Variants in TCF7L2 observed in about 807,000 individuals in gnomAD.
TCF7L2 encodes transcription factor 7 like 2, also known as transcription factor 7-like 2.
In TCF7L2, 23 loss-of-function variants were observed where a neutral mutation model predicts 77.9. The ratio of observed to expected loss-of-function variants is 0.30; its 90% CI spans 0.21 to 0.42. The LOEUF (loss-of-function observed/expected upper bound fraction) is 0.42. Ranked by LOEUF, TCF7L2 falls within the 10% of genes least tolerant of loss-of-function variation. The pLI is 1.00. For missense variants in TCF7L2, 654 were observed against 793.1 expected (o/e 0.82, Z 2.11); for synonymous variants, 413 against 340.2 (o/e 1.21, Z -2.36).
At chr10:113,103,506 T>C (rs1479159885) in intron 5 of TCF7L2, among the ~76,000 whole-genome samples, 1 of 152,166 alleles carries the variant, frequency 6.6e-6, no homozygotes, top group Non-Finnish European at 1.5e-5. Context: ...GGTAGAATGA[T>C]TAACAGGGGG....
intron 5 of TCF7L2, among the ~76,000 whole-genome samples, chr10:113,053,412 C>T (rs2054811833): frequency 6.6e-6 from 1 of 152,062 alleles, no homozygotes; most frequent in South Asian, 2.1e-4. Context: ...TGTGGATTGT[C>T]GGGATCCTGC....
At chr10:113,106,065 C>T (rs2062273533) in intron 5 of TCF7L2, among the ~76,000 whole-genome samples, 1 of 152,096 alleles carries the variant, frequency 6.6e-6, no homozygotes, top group South Asian at 2.1e-4. Context: ...TGAGGTACTC[C>T]CTTGAACCTG....
chr10:113,102,816 T>C (rs776053115), intron 5 of TCF7L2, among the ~76,000 whole-genome samples: 5 of 152,212 alleles, frequency 3.3e-5, no homozygotes, highest in South Asian at 2.1e-4. Flanking sequence ...GTTAATACTA[T>C]GCATCATGTA....
chr10:112,984,581 A>G (rs1270742680), intron 4 of TCF7L2, among the ~76,000 whole-genome samples: 1 of 152,090 alleles, frequency 6.6e-6, no homozygotes, highest in African/African-American at 2.4e-5. Flanking sequence ...AAAAATTAAT[A>G]CCAACAATAA....
intron 4 of TCF7L2, among the ~76,000 whole-genome samples, chr10:113,008,744 G>A (rs180985050): frequency 1.4e-4 from 21 of 152,164 alleles, no homozygotes; most frequent in Non-Finnish European, 2.5e-4. Context: ...GCTTGGGAGC[G>A]CCACAGTTTG....
At chr10:112,964,813 G>T (rs1483479529) in intron 4 of TCF7L2, among the ~76,000 whole-genome samples, 189 bp downstream of exon 4, 6 of 98,432 alleles carry the variant, frequency 6.1e-5, no homozygotes, top group Non-Finnish European at 1.1e-4. Context: ...TGGTGGTGGT[G>T]GGGGGGGGTT....
At position 112,991,369 on chromosome 10, in the gene TCF7L2, G is replaced by A. The variant is rs111483041; in HGVS notation, c.450+26745G>A. Reference sequence around the variant, plus strand: ...ACGATGAAACCCCGTCTCTATGTGCGTGGTGGCTGGCACCTGTAGTCCCAG... The same window carrying A: ...ACGATGAAACCCCGTCTCTATGTGCATGGTGGCTGGCACCTGTAGTCCCAG... On this transcript the variant is annotated intron_variant, in intron 4 of 13. Transcript: ENST00000627217. Among the ~76,000 whole-genome samples the A allele has an allele frequency of 6.8e-3, 1,027 of 152,060 alleles. 8 individuals are homozygous for A. The highest frequency in any genetic ancestry group is 0.023 in the African/African-American group (954 of 41,458).
At chr10:112,952,458 C>G (rs2032020211) in intron 3 of TCF7L2, among the ~76,000 whole-genome samples, 1 of 152,098 alleles carries the variant, frequency 6.6e-6, no homozygotes, top group South Asian at 2.1e-4. Flanking sequence ...CTGAGTGGGG[C>G]GGGGAGGCCC....
chr10:113,006,633 A>T (rs1274631046), intron 4 of TCF7L2, among the ~76,000 whole-genome samples: 2 of 152,212 alleles, frequency 1.3e-5, no homozygotes, highest in Non-Finnish European at 2.9e-5. Context: ...AGAAGGAACT[A>T]CTTCTGATTC....
At chr10:113,132,239 GTGAAGGAAACAGC>G (rs2066718519) in intron 5 of TCF7L2, 1 of 152,242 alleles carries the variant, frequency 6.6e-6, no homozygotes, top group Non-Finnish European at 1.5e-5. Context: ...TACCTGATCA[GTGAAGGAAACAGC>G]TGTTTCTTGA....
At chr10:113,121,487 T>C (rs1280737502) in intron 5 of TCF7L2, among the ~76,000 whole-genome samples, 1 of 152,244 alleles carries the variant, frequency 6.6e-6, no homozygotes, top group Admixed American at 6.5e-5. Flanking sequence ...ACTGTGCTAG[T>C]GGCAGAGGAA....
chr10:113,135,627 T>C (rs2067282152), intron 5 of TCF7L2, among the ~76,000 whole-genome samples: 1 of 152,240 alleles, frequency 6.6e-6, no homozygotes. Flanking sequence ...ATAAAGTGTT[T>C]TTATCATCTG....
intron 4 of TCF7L2, among the ~76,000 whole-genome samples, chr10:113,020,964 T>A (rs1052637069): frequency 1.3e-5 from 2 of 152,136 alleles, no homozygotes; most frequent in Non-Finnish European, 2.9e-5. Context: ...AGCAGTTGAG[T>A]GCCAGCTGGG....
intron 5 of TCF7L2, among the ~76,000 whole-genome samples, chr10:113,057,387 T>G (rs1395464931): frequency 2.6e-5 from 4 of 152,180 alleles, no homozygotes; most frequent in African/African-American, 4.8e-5. Flanking sequence ...GCCAGGCTGG[T>G]CTCGAACTCC....
At chr10:113,129,891 G>T in intron 5 of TCF7L2, 1 of 1,291,446 alleles carries the variant, frequency 7.7e-7, no homozygotes, top group East Asian at 5.5e-5. Context: ...CAATTTTAGT[G>T]GGAATGGAAG....
rs1427718573 is a variant in TCF7L2 at position 112,980,496 on chromosome 10, AG to A, written c.450+15874del. On this transcript the variant is annotated intron_variant, in intron 4 of 13. Transcript: ENST00000627217. ...TTATGAAATGTATCAGACTCAATTCAGGAGTGTTCCGGGAGTCACGAAGTTC... is the reference window on the plus strand; with the variant it reads ...TTATGAAATGTATCAGACTCAATTCAGAGTGTTCCGGGAGTCACGAAGTTC... 1.2e-4 allele frequency among the ~76,000 whole-genome samples: 19 copies of A among 152,342 alleles called. 1 individual carries two copies. The East Asian group carries it at 3.5e-3, about 28-fold the overall frequency.
intron 5 of TCF7L2, among the ~76,000 whole-genome samples, chr10:113,079,133 C>G (rs1351030062): frequency 6.6e-6 from 1 of 152,202 alleles, no homozygotes; most frequent in African/African-American, 2.4e-5. Context: ...TGCGCTGGGC[C>G]AGCCACAGCA....
intron 4 of TCF7L2, among the ~76,000 whole-genome samples, chr10:112,987,231 A>G (rs910882007): frequency 3.3e-5 from 5 of 152,296 alleles, no homozygotes; most frequent in Admixed American, 3.3e-4. Flanking sequence ...CTGTCTTTGA[A>G]TCCTAGCTTT....
At chr10:113,118,813 A>G (rs945979290) in intron 5 of TCF7L2, among the ~76,000 whole-genome samples, 2 of 151,992 alleles carry the variant, frequency 1.3e-5, no homozygotes, top group African/African-American at 4.8e-5. Flanking sequence ...ACTTTGTATT[A>G]CGCTCTGGGA....
Sources: gnomAD v4.1 joint callset for allele counts (sites outside exome capture counted in the v4.1 genomes callset) on GRCh38, gnomAD v4.1.1 for gene constraint, MANE v1.5 for transcripts, NCBI Gene and HGNC (gene_info 2026-07-23, HGNC 2026-07-21) for gene names.